Variants in PLG observed in about 807,000 individuals in gnomAD.
PLG encodes plasmin.
Under a neutral mutation model 104.4 loss-of-function variants are expected in PLG, and 41 were observed. That is an observed-to-expected ratio of 0.39 (90% CI 0.31 to 0.51). The LOEUF (loss-of-function observed/expected upper bound fraction) is 0.51, where lower values mean the gene tolerates loss of function less well. Ranked by LOEUF, PLG falls within the 20% of genes least tolerant of loss-of-function variation. The pLI is 0.76. For missense variants in PLG, 891 were observed against 1,003.6 expected (o/e 0.89, Z 1.52); for synonymous variants, 337 against 357.1 (o/e 0.94, Z 0.63).
At chr6:160,742,270 C>A (rs1266085824) in intron 17 of PLG, among the ~76,000 whole-genome samples, 1 of 152,166 alleles carries the variant, frequency 6.6e-6, no homozygotes, top group African/African-American at 2.4e-5. Flanking sequence ...AATTTACAGT[C>A]CCACCAGCTG....
At chr6:160,708,680 G>T (rs1328157671) in intron 3 of PLG, 1 of 152,140 alleles carries the variant, frequency 6.6e-6, no homozygotes, top group South Asian at 2.1e-4. Context: ...AAACACCTTA[G>T]TTCTTGTATT....
chr6:160,741,342 G>A lies in PLG; in HGVS notation c.2050G>A (p.Ala684Thr). The A allele has an allele frequency of 6.2e-7, 1 of 1,612,488 alleles. No individual in the cohort carries two copies. Among genetic ancestry groups the A allele is most frequent in the Non-Finnish European group, 8.5e-7 (1 of 1,178,464 alleles). ...PAVITDKVIP[A>T]CLPSPNYVVA... is the part of the protein sequence containing the mutation. ...CGTCATCACTGACAAAGTAATCCCA[G>A]CTTGTCTGCCATCCCCAAATTATGT... The change falls in exon 17 of 19, where the codon GCT (alanine) becomes ACT (threonine). Residue 684 changes from alanine to threonine, a missense_variant. Physicochemically the swap from Ala to Thr is moderately conservative, Grantham distance 58. Around this residue, in one of 2 missense-constraint regions of PLG, gnomAD observed 854 missense variants for 932.1 expected, o/e 0.92. Coordinates refer to ENST00000308192, the MANE Select transcript of PLG (RefSeq NM_000301.5). This position sits in a 1 kb window ranked among gnomAD's most constrained non-coding sequence, Gnocchi z 4.7.
chr6:160,753,692 G>A lies in PLG; in HGVS notation c.*631G>A, dbSNP rs147387427. ...ATGTGTAACACAAGACCAACTGAGA[G>A]TCTGAATGTTATTCTGGGGCACACG... On this transcript the variant is annotated 3_prime_UTR_variant, in exon 19 of 19. Coordinates refer to ENST00000308192, the MANE Select transcript of PLG (RefSeq NM_000301.5). The surrounding 1 kb of genome is among the most constrained non-coding windows in gnomAD (Gnocchi z 5.4). 1.3e-5 allele frequency among the ~76,000 whole-genome samples: 2 copies of A among 152,266 alleles called. No homozygotes were observed. The highest frequency in any genetic ancestry group is 3.9e-4 in the East Asian group (2 of 5,180).
intron 4 of PLG, chr6:160,711,747 T>C (rs1777646285): frequency 6.2e-7 from 1 of 1,604,420 alleles, no homozygotes; most frequent in African/African-American, 1.3e-5. Context: ...TTAGGCCAAA[T>C]CTGAGAAAAG....
In PLG at chr6:160,718,178, G is replaced by T. The variant is rs367678108; in HGVS notation, c.788-116G>T. ...GAGGCAGGAGAATGACTTGAACCCAGGAGGCAGAGGTTGCAGTGAGCTGAG... is the reference window on the plus strand; with the variant it reads ...GAGGCAGGAGAATGACTTGAACCCATGAGGCAGAGGTTGCAGTGAGCTGAG... On this transcript the variant is annotated intron_variant, in intron 7 of 18. Coordinates refer to ENST00000308192, the MANE Select transcript of PLG (RefSeq NM_000301.5). 4 of 852,874 alleles carry T rather than the reference G, an allele frequency of 4.7e-6. No individual in the cohort carries two copies. The African/African-American group carries it at 5.0e-5, about 11-fold the overall frequency. The allele number at this position is 852,874 out of a possible 1,614,324, so 52.8% of individuals were successfully genotyped here.
chr6:160,702,489 A>G (rs904521233), intron 1 of PLG, 136 bp downstream of exon 1: 71 of 1,193,638 alleles, frequency 5.9e-5, no homozygotes, highest in Non-Finnish European at 8.0e-5. Context: ...CTTGTATAAG[A>G]TTGAGGAATT....
At chr6:160,749,342 T>A (rs1351987947) in intron 17 of PLG, among the ~76,000 whole-genome samples, 1 of 148,742 alleles carries the variant, frequency 6.7e-6, no homozygotes, top group African/African-American at 2.5e-5. Context: ...ACCATCACAA[T>A]TATCATTACC....
In PLG at chr6:160,722,201, A is replaced by C. The variant is rs4252116; in HGVS notation, c.1097-207A>C. On this transcript the variant is annotated intron_variant, in intron 9 of 18. Transcript: ENST00000308192. ...TTATAAGTACTCTATCTGTTCTTTC[A>C]CACCCAGGTTTTAAATGAAATATTA... Among the ~76,000 whole-genome samples, 13,151 of 152,220 alleles carry C rather than the reference A, an allele frequency of 0.086. 1,494 individuals carry two copies. The highest frequency in any genetic ancestry group is 0.28 in the Middle Eastern group (81 of 294).
rs1248575429 is a variant in PLG, at chr6:160,740,068, T to C, written c.2018+860T>C. On this transcript the variant is annotated intron_variant, in intron 16 of 18. Transcript: ENST00000308192. The surrounding 1 kb of genome is among the most constrained non-coding windows in gnomAD (Gnocchi z 5.2). ...CGCAGGGCGCTCGCTGTGCTGGTGGTTCTGGAAGACAGGGTGTCAGTGTGG... is the reference window on the plus strand; with the variant it reads ...CGCAGGGCGCTCGCTGTGCTGGTGGCTCTGGAAGACAGGGTGTCAGTGTGG... Among the ~76,000 whole-genome samples the C allele has an allele frequency of 1.3e-5, 2 of 152,120 alleles. No individual in the cohort carries two copies. The highest frequency in any genetic ancestry group is 1.3e-4 in the Admixed American group (2 of 15,278).
rs894140297 is a variant in PLG, at chr6:160,753,550, G to A, written c.*489G>A. ...ATGTTTTCAAAGCTGCAACATGTAT[G>A]GGGAGTCATGCAAACCGATTCTGTT... On this transcript the variant is annotated 3_prime_UTR_variant, in exon 19 of 19. Coordinates refer to ENST00000308192, the MANE Select transcript of PLG (RefSeq NM_000301.5). The surrounding 1 kb of genome is among the most constrained non-coding windows in gnomAD (Gnocchi z 5.4). Among the ~76,000 whole-genome samples the A allele has an allele frequency of 3.3e-5, 5 of 152,120 alleles. No individual in the cohort carries two copies. The highest frequency in any genetic ancestry group is 1.2e-4 in the African/African-American group (5 of 41,430).
Position 160,706,426 on chromosome 6 carries a change from T to C in PLG, c.69T>C (p.Asp23=), listed in dbSNP as rs532295436. 6.2e-7 allele frequency: 1 copy of C among 1,613,440 alleles called. No homozygotes were observed. Among genetic ancestry groups the C allele is most frequent in the South Asian group, 1.1e-5 (1 of 91,052 alleles). ...CTCTAGGTCAAGGAGAGCCTCTGGATGACTATGTGAATACCCAGGGGGCTT... is the reference window on the plus strand; with the variant it reads ...CTCTAGGTCAAGGAGAGCCTCTGGACGACTATGTGAATACCCAGGGGGCTT... ...FLKSGQGEPL[D]DYVNTQGASL... is the part of the protein sequence containing the mutation. Residue 23 remains aspartate (D), a synonymous_variant, in exon 2 of 19, where the codon GAT becomes GAC. Transcript: ENST00000308192.
At chr6:160,711,263 T>C (rs1777636504) in intron 4 of PLG, 72 bp downstream of exon 4, 5 of 1,406,416 alleles carry the variant, frequency 3.6e-6, no homozygotes, top group Non-Finnish European at 5.0e-6. Context: ...AGGGATTGGT[T>C]CCAGGACCCC....
At position 160,711,090 on chromosome 6, in the gene PLG, G is replaced by C. The variant is rs144747470; in HGVS notation, c.306G>C (p.Glu102Asp). 6.2e-7 allele frequency: 1 copy of C among 1,613,020 alleles called. No individual in the cohort carries two copies. The highest frequency in any genetic ancestry group is 8.5e-7 in the Non-Finnish European group (1 of 1,179,040). Residue 102 changes from glutamate (E) to aspartate (D), a missense_variant, in exon 4 of 19, where the codon GAG (glutamate) becomes GAC (aspartate). Physicochemically the swap from Glu to Asp is conservative, Grantham distance 45. This residue lies in a region of PLG where 854 missense variants were observed against 932.1 expected (regional missense o/e 0.92). Coordinates refer to ENST00000308192, the MANE Select transcript of PLG (RefSeq NM_000301.5). Reference sequence around the variant, plus strand: ...ACTTCCCTTCAGTGTATCTCTCAGAGTGCAAGACTGGGAATGGAAAGAACT... The same window carrying C: ...ACTTCCCTTCAGTGTATCTCTCAGACTGCAAGACTGGGAATGGAAAGAACT... ...VLFEKKVYLS[E>D]CKTGNGKNYR...
At chr6:160,706,328 G>C in intron 1 of PLG, 79 bp from the exon 2 acceptor site, 1 of 1,581,616 alleles carries the variant, frequency 6.3e-7, no homozygotes, top group Non-Finnish European at 8.7e-7. Context: ...TAACCAAATA[G>C]ATTAAAAGGA....
At chr6:160,733,912 G>A (rs765283119) in intron 12 of PLG, 83 bp from the exon 13 acceptor site, 4 of 707,548 alleles carry the variant, frequency 5.7e-6, no homozygotes, top group Non-Finnish European at 1.1e-5. Context: ...TCTAAGGATA[G>A]ACATGAAATG....
chr6:160,751,574 C>T (rs1364326147), intron 17 of PLG, among the ~76,000 whole-genome samples: 1 of 152,182 alleles, frequency 6.6e-6, no homozygotes, highest in Non-Finnish European at 1.5e-5. Flanking sequence ...AGTACATTCA[C>T]AATCATGTGC....
At chr6:160,746,784 G>A (rs572269616) in intron 17 of PLG, among the ~76,000 whole-genome samples, 1 of 152,238 alleles carries the variant, frequency 6.6e-6, no homozygotes, top group Admixed American at 6.5e-5. Flanking sequence ...TTTTTACAGG[G>A]CCAAAGCCTT....
rs2115168506 is a variant in PLG, at chr6:160,724,173, G to T, written c.1256+1606G>T. On this transcript the variant is annotated intron_variant, in intron 10 of 18. Coordinates refer to ENST00000308192, the MANE Select transcript of PLG (RefSeq NM_000301.5). This position sits in a 1 kb window ranked among gnomAD's most constrained non-coding sequence, Gnocchi z 5.0. ...AATAAACCCCAAAATGAAGAAATTG[G>T]CAAGAAGATTTGAAATATATATATA... Among the ~76,000 whole-genome samples, 1 of 152,156 alleles carries T rather than the reference G, an allele frequency of 6.6e-6. No homozygotes were observed. Among genetic ancestry groups the T allele is most frequent in the South Asian group, 2.1e-4 (1 of 4,826 alleles).
intron 1 of PLG, 151 bp from the exon 2 acceptor site, chr6:160,706,256 C>T: frequency 2.0e-6 from 2 of 1,003,086 alleles, no homozygotes; most frequent in Non-Finnish European, 3.1e-6. Flanking sequence ...CTTAACTAAA[C>T]ATTTTGATTC....
Sources: allele counts gnomAD v4.1 joint callset (sites outside exome capture counted in the v4.1 genomes callset), GRCh38; gene constraint gnomAD v4.1.1; regional missense constraint gnomAD v4.1.1; non-coding constraint Gnocchi (gnomAD v3.1); transcripts MANE v1.5; gene names NCBI Gene and HGNC (gene_info 2026-07-23, HGNC 2026-07-21).